CRB2: variants seen among roughly 807,000 people sequenced by gnomAD.
The protein encoded by CRB2 is crumbs cell polarity complex component 2.
In CRB2, 85 loss-of-function variants were observed where a neutral mutation model predicts 110.9. The ratio of observed to expected loss-of-function variants is 0.77; its 90% CI spans 0.64 to 0.92. The LOEUF is 0.92. CRB2 is among the 40% of genes least tolerant of loss of function. CRB2 has a pLI of 0.00. For synonymous variants in CRB2, 907 were observed against 831.0 expected, an observed-to-expected ratio of 1.09 and a Z score of -1.57; for missense variants, 1,843 against 1,851.3, an observed-to-expected ratio of 1.00 and a Z score of 0.08.
rs759529931 is a variant in CRB2, at chr9:123,371,200, C to G, written c.2058C>G (p.Leu686=). 10 of 1,613,916 alleles carry G rather than the reference C, an allele frequency of 6.2e-6. No homozygotes were observed. The highest frequency in any genetic ancestry group is 1.6e-4 in the Middle Eastern group (1 of 6,062). ...CTCGGGAGTCCGCTGGCCTGTTGCT[C>G]CAGTTTGCCAATGACTCCGCAGCTG... ...LRTRESAGLL[L]QFANDSAAGL... Residue 686 remains leucine (L), a synonymous_variant, in exon 8 of 13, where the codon CTC becomes CTG. Coordinates refer to ENST00000373631, the MANE Select transcript of CRB2 (RefSeq NM_173689.7).
intron 1 of CRB2, among the ~76,000 whole-genome samples, chr9:123,359,436 G>GT (rs1319039345): frequency 0.013 from 795 of 62,160 alleles, 65 homozygotes; most frequent in African/African-American, 0.049. Context: ...TTTCGTTTTT[G>GT]TTTTGTTTTT....
intron 2 of CRB2, 103 bp downstream of exon 2, chr9:123,363,291 G>A (rs903471893): frequency 2.7e-5 from 34 of 1,251,054 alleles, no homozygotes; most frequent in Non-Finnish European, 3.7e-5. Flanking sequence ...GTGTAGGGAC[G>A]CCCCCAGGCA....
chr9:123,356,355 G>A lies in CRB2; in HGVS notation c.94+1G>A. Reference sequence around the variant, plus strand: ...GCCCCTGCCCTTTCCCTCCTGGCTGGTGAGTTGGGGCCCATGTCTGGAGGG... The same window carrying A: ...GCCCCTGCCCTTTCCCTCCTGGCTGATGAGTTGGGGCCCATGTCTGGAGGG... On this transcript the variant is annotated splice_donor_variant, in intron 1 of 12. Transcript: ENST00000373631. LOFTEE classifies it high-confidence loss of function. 1 of 1,545,654 alleles carries A rather than the reference G, an allele frequency of 6.5e-7. No individual in the cohort carries two copies. The highest frequency in any genetic ancestry group is 8.7e-7 in the Non-Finnish European group (1 of 1,145,142).
rs730880300 is a variant in CRB2, at chr9:123,371,070, A to C, written c.1928A>C (p.Glu643Ala). Residue 643 changes from glutamate to alanine, a missense_variant and splice_region_variant, in exon 8 of 13, where the codon GAG (glutamate) becomes GCG (alanine). By Grantham distance (107) the Glu-to-Ala change is moderately radical. Transcript: ENST00000373631. ...CACCTGGCACCTTCTCTCCCTGCAG[A>C]GATTCCTGCTGCCACCTTTGGCTTG... is the stretch of plus-strand genomic sequence containing the variant. ...RPHRGPTCAD[E>A]IPAATFGLGG... 4.4e-5 allele frequency: 71 copies of C among 1,611,246 alleles called. No individual in the cohort carries two copies. Among genetic ancestry groups the C allele is most frequent in the African/African-American group, 1.3e-5 (1 of 74,858 alleles).
intron 1 of CRB2, among the ~76,000 whole-genome samples, chr9:123,357,154 C>A (rs1299576562): frequency 1.3e-5 from 2 of 152,066 alleles, no homozygotes; most frequent in Non-Finnish European, 2.9e-5. Flanking sequence ...CCCCAGCATT[C>A]CAAGGCCAAT....
Position 123,371,685 on chromosome 9 carries a change from G to A in CRB2, c.2436+107G>A. ...GTCCTTTTGCTGATGAGGAAACTGAGGCTCAGGAGGTGAAGTGACCTGCCC... is the reference window on the plus strand; with the variant it reads ...GTCCTTTTGCTGATGAGGAAACTGAAGCTCAGGAGGTGAAGTGACCTGCCC... On this transcript the variant is annotated intron_variant, in intron 8 of 12. Coordinates refer to ENST00000373631, the MANE Select transcript of CRB2 (RefSeq NM_173689.7). 2.7e-6 allele frequency: 4 copies of A among 1,491,184 alleles called. No homozygotes were observed. The South Asian group carries it at 3.7e-5, about 14-fold the overall frequency. 92.4% of individuals were successfully genotyped at this position (1,491,184 alleles called of 1,614,324 possible).
intron 2 of CRB2, among the ~76,000 whole-genome samples, chr9:123,365,380 A>G (rs947331529): frequency 6.6e-6 from 1 of 152,110 alleles, no homozygotes; most frequent in African/African-American, 2.4e-5. Context: ...TCCCCAAGGC[A>G]CTGACACCTC....
upstream of CRB2, among the ~76,000 whole-genome samples, chr9:123,355,868 T>G (rs1019188175): frequency 2.6e-5 from 4 of 151,618 alleles, no homozygotes; most frequent in Admixed American, 6.6e-5. Flanking sequence ...AGGGGATAAC[T>G]AAGGACTTGG....
intron 1 of CRB2, among the ~76,000 whole-genome samples, chr9:123,362,288 A>G (rs2041877353): frequency 1.3e-5 from 2 of 151,938 alleles, no homozygotes; most frequent in Admixed American, 1.3e-4. Context: ...GAGTTACCAG[A>G]CCCCTGGCAG....
At chr9:123,376,805 C>G (rs189018166) in intron 12 of CRB2, 33 bp from the exon 13 acceptor site, 1 of 1,568,710 alleles carries the variant, frequency 6.4e-7, no homozygotes, top group Non-Finnish European at 8.7e-7. Flanking sequence ...CCCTTCTCTG[C>G]GGTCTTAGGC....
In CRB2 at chr9:123,376,729, G is replaced by C. The variant is rs972872765; in HGVS notation, c.3634-109G>C. 5.5e-6 allele frequency: 6 copies of C among 1,083,282 alleles called. No homozygotes were observed. The Admixed American group carries it at 1.5e-4, about 28-fold the overall frequency. 67.1% of individuals were successfully genotyped at this position (1,083,282 alleles called of 1,614,324 possible). On this transcript the variant is annotated intron_variant, in intron 12 of 12. Coordinates refer to ENST00000373631, the MANE Select transcript of CRB2 (RefSeq NM_173689.7). Reference sequence around the variant, plus strand: ...CTGCTCCCAGGGCAGCCTGCTCCCAGCTCTGATTTTCTCTGAGTAGGTCCT... The same window carrying C: ...CTGCTCCCAGGGCAGCCTGCTCCCACCTCTGATTTTCTCTGAGTAGGTCCT...
upstream of CRB2, among the ~76,000 whole-genome samples, chr9:123,354,481 C>T (rs975756961): frequency 5.9e-5 from 9 of 152,224 alleles, no homozygotes; most frequent in East Asian, 1.9e-4. Flanking sequence ...GGCTCACTAA[C>T]GCCACCATTT....
At chr9:123,373,080 G>A (rs1185562379) in intron 9 of CRB2, 54 bp from the exon 10 acceptor site, 2 of 1,382,478 alleles carry the variant, frequency 1.4e-6, no homozygotes, top group Admixed American at 5.8e-5. Context: ...TGGGGAGGTG[G>A]CATTTCTGGA....
At chr9:123,372,947 A>G (rs1046673159) in intron 9 of CRB2, among the ~76,000 whole-genome samples, 187 bp from the exon 10 acceptor site, 1 of 152,192 alleles carries the variant, frequency 6.6e-6, no homozygotes, top group African/African-American at 2.4e-5. Context: ...CTCCATGGGT[A>G]GGAAATACAT....
chr9:123,372,465 T>C (rs1218575638), intron 9 of CRB2, 123 bp downstream of exon 9: 4 of 1,275,784 alleles, frequency 3.1e-6, no homozygotes, highest in Non-Finnish European at 3.2e-6. Context: ...CCTAGGGCAG[T>C]GTGGCGGGGC....
At chr9:123,373,073 G>A (rs2042039568) in intron 9 of CRB2, 61 bp from the exon 10 acceptor site, 8 of 1,347,334 alleles carry the variant, frequency 5.9e-6, no homozygotes, top group Non-Finnish European at 7.8e-6. Flanking sequence ...GGGGAAGTGG[G>A]GAGGTGGCAT....
rs1471407149 is a variant in CRB2, at chr9:123,371,385, G to A, written c.2243G>A (p.Gly748Asp). 1 of 1,607,696 alleles carries A rather than the reference G, an allele frequency of 6.2e-7. No individual in the cohort carries two copies. The highest frequency in any genetic ancestry group is 2.2e-5 in the East Asian group (1 of 44,798). The change falls in exon 8 of 13, where the codon GGT becomes GAT. Residue 748 changes from glycine to aspartate, a missense_variant. Physicochemically the swap from Gly to Asp is moderately conservative, Grantham distance 94. Transcript: ENST00000373631. Reference protein sequence around the residue: ...LQDLGQHVHVGGRLLAADSQP... With the variant: ...LQDLGQHVHVDGRLLAADSQP... ...GACCTGGGGCAGCACGTGCACGTGG[G>A]TGGGAGGCTCCTTGCTGCCGACAGC... is the stretch of plus-strand genomic sequence containing the variant.
In CRB2 at chr9:123,376,867, A is replaced by C; in HGVS notation, c.3663A>C (p.Pro1221=). 1 of 1,608,490 alleles carries C rather than the reference A, an allele frequency of 6.2e-7. No homozygotes were observed. The change falls in exon 13 of 13, where the codon CCA becomes CCC. Residue 1221 remains proline (P), a synonymous_variant. Coordinates refer to ENST00000373631, the MANE Select transcript of CRB2 (RefSeq NM_173689.7). The stretch of plus-strand genomic sequence containing the variant: ...GCCTGCCCCTGCCGCTGCCATTCCC[A>C]CTGCTGGAGGTGGCCGTACCTGCAG... ...AKGLPLPLPF[P]LLEVAVPAAC...
chr9:123,376,940 C>T lies in CRB2; in HGVS notation c.3736C>T (p.Leu1246=). The change falls in exon 13 of 13, where the codon CTG becomes TTG. Residue 1246 remains leucine (L), a synonymous_variant. Transcript: ENST00000373631. The part of the protein sequence containing the change: ...LLLLGLLSGI[L]AARKRRQSEG... ...CCTCCTGGGCCTCCTTTCAGGGATCCTGGCAGCCCGAAAGCGCCGCCAGTC... is the reference window on the plus strand; with the variant it reads ...CCTCCTGGGCCTCCTTTCAGGGATCTTGGCAGCCCGAAAGCGCCGCCAGTC... 6.2e-7 allele frequency: 1 copy of T among 1,607,032 alleles called. No homozygotes were observed. Among genetic ancestry groups the T allele is most frequent in the Non-Finnish European group, 8.5e-7 (1 of 1,177,938 alleles).
Sources: gnomAD v4.1 joint callset for allele counts (sites outside exome capture counted in the v4.1 genomes callset) on GRCh38, gnomAD v4.1.1 for gene constraint, MANE v1.5 for transcripts, NCBI Gene and HGNC (gene_info 2026-07-23, HGNC 2026-07-21) for gene names.